Variants in INVS observed in about 807,000 individuals in gnomAD.
INVS encodes the protein inversion of embryo turning homolog.
INVS carries 86 observed loss-of-function variants against 108.8 expected under a neutral mutation model. The observed-to-expected ratio is 0.79, with a 90% CI of 0.66 to 0.95. The LOEUF (loss-of-function observed/expected upper bound fraction) is 0.95, where lower values mean the gene tolerates loss of function less well. Ranked by LOEUF, INVS falls within the 40% of genes least tolerant of loss-of-function variation. The pLI is 0.00. For missense variants in INVS, 1,169 were observed against 1,297.4 expected (o/e 0.90, Z 1.52); for synonymous variants, 455 against 473.5 (o/e 0.96, Z 0.51).
At chr9:100,118,456 G>A (rs1465423177) in intron 2 of INVS, among the ~76,000 whole-genome samples, 3 of 151,624 alleles carry the variant, frequency 2.0e-5, no homozygotes, top group Admixed American at 1.3e-4. Flanking sequence ...TGATCCGCCC[G>A]CCTCAGCCTC....
intron 5 of INVS, 58 bp from the exon 6 acceptor site, chr9:100,240,000 CCA>C: frequency 2.1e-6 from 3 of 1,447,472 alleles, no homozygotes; most frequent in Non-Finnish European, 2.9e-6. Flanking sequence ...AATACTTACA[CCA>C]AATGTAATTT....
At chr9:100,175,081 A>G (rs530115591) in intron 3 of INVS, 103 of 235,034 alleles carry the variant, frequency 4.4e-4, no homozygotes, top group Non-Finnish European at 7.8e-4. Context: ...TCTGGAGCTC[A>G]TATTCCTCTG....
At position 100,300,722 on chromosome 9, in the gene INVS, C is replaced by A; in HGVS notation, c.*48C>A. The A allele has an allele frequency of 7.7e-7, 1 of 1,294,656 alleles. No individual in the cohort carries two copies. Among genetic ancestry groups the A allele is most frequent in the Non-Finnish European group, 1.1e-6 (1 of 894,970 alleles). The allele number at this position is 1,294,656 out of a possible 1,614,324, so 80.2% of individuals were successfully genotyped here. ...TTCGGGGGAGCTGGCATAGCTAGTG[C>A]AGAGTTCAGATTTTCTGCTGATAAT... On this transcript the variant is annotated 3_prime_UTR_variant, in exon 17 of 17. Transcript: ENST00000262457.
Position 100,099,300 on chromosome 9 carries a change from G to A in INVS, c.-141G>A, listed in dbSNP as rs891064227. 6.3e-6 allele frequency: 1 copy of A among 159,138 alleles called. No individual in the cohort carries two copies. The highest frequency in any genetic ancestry group is 1.4e-4 in the South Asian group (1 of 7,002). The allele number at this position is 159,138 out of a possible 1,614,324, so 9.9% of individuals were successfully genotyped here. On this transcript the variant is annotated 5_prime_UTR_variant, in exon 1 of 17. Coordinates refer to ENST00000262457, the MANE Select transcript of INVS (RefSeq NM_014425.5). ...CTTTTGAGGGGCTCGGCTAGCTTCA[G>A]CGCCGTGGGGTCTGACCTGGCTGGA... is the stretch of plus-strand genomic sequence containing the variant.
chr9:100,203,501 C>CTTTTT lies in INVS; in HGVS notation c.274-22546_274-22542dup, dbSNP rs34618293. ...TTACTGCAGCATTTCCCAAAGCTTC[C>CTTTTT]TTTTTTTTTTTTTTTTTTTGAAACA... On this transcript the variant is annotated intron_variant, in intron 3 of 16. Transcript: ENST00000262457. 7.5e-4 allele frequency among the ~76,000 whole-genome samples: 92 copies of CTTTTT among 123,106 alleles called. 1 individual carries two copies. Among genetic ancestry groups the CTTTTT allele is most frequent in the African/African-American group, 2.7e-3 (86 of 31,402 alleles). 80.8% of individuals were successfully genotyped at this position (123,106 alleles called of 152,430 possible). A position where few individuals can be genotyped will look rare whatever the true frequency, so the allele number is the denominator to read the frequency against.
chr9:100,109,316 A>G (rs1298921094), intron 2 of INVS, among the ~76,000 whole-genome samples: 1 of 152,254 alleles, frequency 6.6e-6, no homozygotes, highest in African/African-American at 2.4e-5. Flanking sequence ...AATATCTAGC[A>G]TGGTACTTGA....
intron 5 of INVS, among the ~76,000 whole-genome samples, chr9:100,235,405 TATC>T (rs946124784): frequency 2.4e-4 from 37 of 152,268 alleles, no homozygotes; most frequent in Middle Eastern, 3.4e-3. Flanking sequence ...TTGATCCTGT[TATC>T]ATGATGCTAG....
intron 15 of INVS, among the ~76,000 whole-genome samples, 188 bp from the exon 16 acceptor site, chr9:100,297,748 T>C (rs533949843): frequency 1.3e-5 from 2 of 152,306 alleles, no homozygotes; most frequent in Admixed American, 1.3e-4. Flanking sequence ...TCCTACAGCA[T>C]GAACTTTAAC....
intron 3 of INVS, among the ~76,000 whole-genome samples, chr9:100,183,795 A>G (rs1474708738): frequency 7.2e-4 from 65 of 89,880 alleles, no homozygotes; most frequent in African/African-American, 1.9e-3. Flanking sequence ...TGTTTCAGGG[A>G]AAAAAAAAAA....
intron 3 of INVS, among the ~76,000 whole-genome samples, chr9:100,164,579 T>G (rs1301697560): frequency 6.6e-6 from 1 of 152,178 alleles, no homozygotes; most frequent in African/African-American, 2.4e-5. Flanking sequence ...TCTTCCCATG[T>G]TAAAGCAAAT....
chr9:100,191,009 T>A (rs570430775), intron 3 of INVS, among the ~76,000 whole-genome samples: 1 of 152,172 alleles, frequency 6.6e-6, no homozygotes, highest in East Asian at 1.9e-4. Flanking sequence ...TATAGGCATA[T>A]GCCACCACAT....
intron 3 of INVS, among the ~76,000 whole-genome samples, chr9:100,217,503 G>C (rs965263240): frequency 2.0e-5 from 3 of 152,234 alleles, no homozygotes; most frequent in South Asian, 2.1e-4. Context: ...TAGGAGCTAG[G>C]AGTACTTATC....
chr9:100,223,053 A>G (rs975752586), intron 3 of INVS, among the ~76,000 whole-genome samples: 2 of 151,924 alleles, frequency 1.3e-5, no homozygotes, highest in African/African-American at 4.8e-5. Flanking sequence ...GATCTAATAT[A>G]GCAACTGTAA....
At chr9:100,261,545 G>T (rs1284127452) in intron 10 of INVS, among the ~76,000 whole-genome samples, 2 of 152,140 alleles carry the variant, frequency 1.3e-5, no homozygotes, top group Non-Finnish European at 2.9e-5. Context: ...GGGATTACAG[G>T]CATGAGCCAC....
intron 13 of INVS, among the ~76,000 whole-genome samples, chr9:100,287,161 A>G (rs1461900481): frequency 6.6e-6 from 1 of 152,190 alleles, no homozygotes; most frequent in Non-Finnish European, 1.5e-5. Context: ...ATGTCTAGCA[A>G]TTGATGCTGG....
intron 3 of INVS, among the ~76,000 whole-genome samples, chr9:100,146,481 A>T (rs1324926355): frequency 2.6e-5 from 4 of 152,178 alleles, no homozygotes; most frequent in Non-Finnish European, 5.9e-5. Context: ...CGTGCAGGTC[A>T]CAGGAGATAT....
rs561676749 is a variant in INVS at position 100,161,642 on chromosome 9, G to T, written c.273+35093G>T. Among the ~76,000 whole-genome samples the T allele has an allele frequency of 9.2e-5, 14 of 152,228 alleles. No homozygotes were observed. In the South Asian group the frequency reaches 2.9e-3, roughly 32 times the overall value. On this transcript the variant is annotated intron_variant, in intron 3 of 16. Transcript: ENST00000262457. ...GGATGGATGGATGGATGGATGGATG[G>T]ATGGGTGGGTGGATGAACATCAATT... is the stretch of plus-strand genomic sequence containing the variant.
At chr9:100,189,346 T>C (rs112154001) in intron 3 of INVS, among the ~76,000 whole-genome samples, 1,859 of 152,062 alleles carry the variant, frequency 0.012, 29 homozygotes, top group African/African-American at 0.043. Context: ...ATTTGTGATC[T>C]TTCAGACTTT....
At chr9:100,108,490 T>G (rs1343810271) in intron 2 of INVS, among the ~76,000 whole-genome samples, 1 of 152,234 alleles carries the variant, frequency 6.6e-6, no homozygotes, top group Non-Finnish European at 1.5e-5. Flanking sequence ...AATTTCAATG[T>G]AATTTTTTTT....
Sources: allele counts gnomAD v4.1 joint callset (sites outside exome capture counted in the v4.1 genomes callset), GRCh38; gene constraint gnomAD v4.1.1; transcripts MANE v1.5; gene names NCBI Gene and HGNC (gene_info 2026-07-23, HGNC 2026-07-21).